SDK2: variants seen among roughly 807,000 people sequenced by gnomAD.
The protein encoded by SDK2 is sidekick cell adhesion molecule 2, also known as protein sidekick-2.
A neutral mutation model predicts 253.9 loss-of-function variants in SDK2; 105 were observed. That is an observed-to-expected ratio of 0.41 (90% CI 0.35 to 0.49). SDK2 has a LOEUF of 0.49. Ranked by LOEUF, SDK2 falls within the 20% of genes least tolerant of loss-of-function variation. The pLI, the probability that SDK2 is intolerant of heterozygous loss-of-function variation, is 0.06. For missense variants in SDK2, 2,608 were observed against 3,003.0 expected (o/e 0.87, Z 3.07); for synonymous variants, 1,249 against 1,234.9 (o/e 1.01, Z -0.24).
chr17:73,557,892 G>A (rs1457553019), intron 1 of SDK2, among the ~76,000 whole-genome samples: 2 of 152,126 alleles, frequency 1.3e-5, no homozygotes, highest in African/African-American at 4.8e-5. Context: ...TGATACGATG[G>A]GCACCTCTGG....
intron 15 of SDK2, among the ~76,000 whole-genome samples, chr17:73,421,088 C>T (rs760138367): frequency 2.0e-5 from 3 of 152,234 alleles, no homozygotes; most frequent in Non-Finnish European, 4.4e-5. Flanking sequence ...CACTTTCAGC[C>T]TCTCTGTTGT....
intron 1 of SDK2, among the ~76,000 whole-genome samples, chr17:73,527,558 C>A (rs2064135782): frequency 6.6e-6 from 1 of 152,138 alleles, no homozygotes; most frequent in African/African-American, 2.4e-5. Flanking sequence ...GAGAAGAATG[C>A]ACAGGGCCTG....
chr17:73,361,975 G>A lies in SDK2; in HGVS notation c.5306-130C>T. On this transcript the variant is annotated intron_variant, in intron 38 of 44. Coordinates refer to ENST00000392650, the MANE Select transcript of SDK2 (RefSeq NM_001144952.2). This position sits in a 1 kb window ranked among gnomAD's most constrained non-coding sequence, Gnocchi z 4.1. ...TAGGGGCCTCACTCCTTGAGGTCAG[G>A]CTGAAATGCACCCCCAGCCCACACA... 1 of 800,868 alleles carries A rather than the reference G, an allele frequency of 1.2e-6. No homozygotes were observed. Among genetic ancestry groups the A allele is most frequent in the South Asian group, 1.9e-5 (1 of 53,094 alleles). The allele number at this position is 800,868 out of a possible 1,614,324, so 49.6% of individuals were successfully genotyped here.
intron 17 of SDK2, 86 bp from the exon 18 acceptor site, chr17:73,414,845 GGGCTATAGCCTCTGCCTTGCAC>G: frequency 2.4e-6 from 2 of 820,150 alleles, no homozygotes; most frequent in Non-Finnish European, 4.1e-6. Context: ...GCAGGGGTGG[GGGCTATAGCCTCTGCCTTGCAC>G]CCCCCTACCC....
chr17:73,550,946 C>T (rs1486161080), intron 1 of SDK2, among the ~76,000 whole-genome samples: 2 of 152,076 alleles, frequency 1.3e-5, no homozygotes, highest in Admixed American at 1.3e-4. Flanking sequence ...AGGGAGAGAC[C>T]CCAGCTTCTC....
intron 20 of SDK2, 103 bp from the exon 21 acceptor site, chr17:73,401,314 A>C: frequency 1.9e-5 from 21 of 1,116,942 alleles, no homozygotes; most frequent in Non-Finnish European, 2.7e-5. Flanking sequence ...AATTAGATCC[A>C]CGCTGGGAGC....
intron 1 of SDK2, among the ~76,000 whole-genome samples, chr17:73,550,870 T>C (rs2045045377): frequency 6.6e-6 from 1 of 151,908 alleles, no homozygotes; most frequent in Non-Finnish European, 1.5e-5. Context: ...GAGTCACCCG[T>C]CCACAGGGAG....
chr17:73,435,772 C>A lies in SDK2; in HGVS notation c.1001-128G>T. The A allele has an allele frequency of 1.2e-6, 1 of 825,432 alleles. No individual in the cohort carries two copies. Among genetic ancestry groups the A allele is most frequent in the Non-Finnish European group, 1.8e-6 (1 of 543,210 alleles). The allele number at this position is 825,432 out of a possible 1,614,324, so 51.1% of individuals were successfully genotyped here. ...CCCTGGTGAATCTTGGTGTCTAGAACCTTCTCAGAGGTGCCACTTTGGGTC... is the reference window on the plus strand; with the variant it reads ...CCCTGGTGAATCTTGGTGTCTAGAAACTTCTCAGAGGTGCCACTTTGGGTC... On this transcript the variant is annotated intron_variant, in intron 8 of 44. Coordinates refer to ENST00000392650, the MANE Select transcript of SDK2 (RefSeq NM_001144952.2). This position sits in a 1 kb window ranked among gnomAD's most constrained non-coding sequence, Gnocchi z 5.7.
chr17:73,348,196 G>A (rs1171087193), intron 44 of SDK2, among the ~76,000 whole-genome samples: 1 of 152,248 alleles, frequency 6.6e-6, no homozygotes, highest in Non-Finnish European at 1.5e-5. Context: ...TGCGTGAGTA[G>A]TGAAGCTGAG....
At chr17:73,454,109 A>G (rs1353313897) in intron 4 of SDK2, among the ~76,000 whole-genome samples, 3 of 152,248 alleles carry the variant, frequency 2.0e-5, no homozygotes, top group Non-Finnish European at 4.4e-5. Flanking sequence ...GGACTACACC[A>G]TACATCCTGG....
chr17:73,592,183 GAAGA>G (rs1159814296), intron 1 of SDK2, among the ~76,000 whole-genome samples: 2 of 152,228 alleles, frequency 1.3e-5, no homozygotes, highest in African/African-American at 4.8e-5. Flanking sequence ...TCCACAACTG[GAAGA>G]AAGCATCATG....
chr17:73,467,097 T>TACCCC lies in SDK2; in HGVS notation c.331+5010_331+5014dup, dbSNP rs1280841734. ...GGAAAACGATGTGATTGGTAGAGTC[T>TACCCC]ACCCCACCCCACCCGCTGGCACTAG... On this transcript the variant is annotated intron_variant, in intron 3 of 44. Coordinates refer to ENST00000392650, the MANE Select transcript of SDK2 (RefSeq NM_001144952.2). This position sits in a 1 kb window ranked among gnomAD's most constrained non-coding sequence, Gnocchi z 4.1. 6.6e-6 allele frequency among the ~76,000 whole-genome samples: 1 copy of TACCCC among 152,066 alleles called. No individual in the cohort carries two copies. Among genetic ancestry groups the TACCCC allele is most frequent in the Non-Finnish European group, 1.5e-5 (1 of 67,996 alleles).
chr17:73,440,974 T>A, intron 5 of SDK2, 51 bp from the exon 6 acceptor site: 1 of 1,352,770 alleles, frequency 7.4e-7, no homozygotes, highest in Non-Finnish European at 1.0e-6. Flanking sequence ...ATCCTATCCC[T>A]GCCCAGCCTC....
intron 21 of SDK2, among the ~76,000 whole-genome samples, chr17:73,400,416 G>A (rs996871612): frequency 6.6e-6 from 1 of 152,230 alleles, no homozygotes; most frequent in Non-Finnish European, 1.5e-5. Flanking sequence ...ATTGCCTGGT[G>A]TGGAATCTGG....
intron 1 of SDK2, among the ~76,000 whole-genome samples, chr17:73,558,149 G>A (rs1038655804): frequency 1.3e-5 from 2 of 152,262 alleles, no homozygotes; most frequent in African/African-American, 4.8e-5. Flanking sequence ...CAGGAGGGGT[G>A]CAGGTCTGCT....
chr17:73,473,295 G>A (rs544376536), intron 2 of SDK2, among the ~76,000 whole-genome samples: 13 of 152,368 alleles, frequency 8.5e-5, no homozygotes, highest in African/African-American at 2.9e-4. Context: ...ACGTCAGTGA[G>A]AGGAGCTTCT....
intron 1 of SDK2, among the ~76,000 whole-genome samples, chr17:73,588,197 A>ACCCCCCCCCCCCCCCCC (rs57740393): frequency 7.6e-6 from 1 of 130,862 alleles, no homozygotes; most frequent in African/African-American, 2.9e-5. Flanking sequence ...ACATGGAGAG[A>ACCCCCCCCCCCCCCCCC]CCCCCCCCCC....
At chr17:73,563,012 A>G (rs1462573218) in intron 1 of SDK2, among the ~76,000 whole-genome samples, 1 of 152,110 alleles carries the variant, frequency 6.6e-6, no homozygotes, top group Non-Finnish European at 1.5e-5. Flanking sequence ...AGGGAGGAGG[A>G]AGGCAGGGGA....
intron 1 of SDK2, among the ~76,000 whole-genome samples, chr17:73,556,747 T>G (rs2145844995): frequency 6.6e-6 from 1 of 152,312 alleles, no homozygotes; most frequent in South Asian, 2.1e-4. Flanking sequence ...CTGGCAGCTG[T>G]CAGCACAAAT....
Sources: gnomAD v4.1 joint callset for allele counts (sites outside exome capture counted in the v4.1 genomes callset) on GRCh38, gnomAD v4.1.1 for gene constraint, Gnocchi (gnomAD v3.1) non-coding constraint, MANE v1.5 for transcripts, NCBI Gene and HGNC (gene_info 2026-07-23, HGNC 2026-07-21) for gene names.